Variants in SPATA17 observed in about 807,000 individuals in gnomAD.
The protein encoded by SPATA17 is spermatogenesis associated 17.
In SPATA17, 53 loss-of-function variants were observed where a neutral mutation model predicts 62.2. That is an observed-to-expected ratio of 0.85 (90% CI 0.68 to 1.07). The LOEUF (loss-of-function observed/expected upper bound fraction) is 1.07. Ranked by LOEUF, SPATA17 falls within the 50% of genes least tolerant of loss-of-function variation. SPATA17 has a pLI of 0.00. For missense variants in SPATA17, 466 were observed against 425.5 expected (o/e 1.10, Z -0.84); for synonymous variants, 146 against 146.8 (o/e 0.99, Z 0.04).
chr1:217,739,687 A>C (rs954846832), intron 5 of SPATA17: 2 of 152,120 alleles, frequency 1.3e-5, no homozygotes, highest in African/African-American at 4.8e-5. Flanking sequence ...GCACACTGAG[A>C]AATATCTTCA....
chr1:217,792,427 C>A (rs765246422), intron 8 of SPATA17, among the ~76,000 whole-genome samples: 2 of 152,174 alleles, frequency 1.3e-5, no homozygotes, highest in Non-Finnish European at 2.9e-5. Context: ...CTTCTAGTGG[C>A]ATCTCTTCCT....
intron 10 of SPATA17, among the ~76,000 whole-genome samples, chr1:217,864,882 G>C (rs1675976497): frequency 1.3e-5 from 2 of 152,030 alleles, no homozygotes. Flanking sequence ...AGACAAAGAT[G>C]AGTAACAAAT....
chr1:217,640,903 T>A (rs1487031521), intron 1 of SPATA17, among the ~76,000 whole-genome samples: 2 of 152,054 alleles, frequency 1.3e-5, no homozygotes, highest in African/African-American at 4.8e-5. Context: ...GAATTACACA[T>A]AATAAGTGGT....
chr1:217,836,192 G>C (rs186359840), intron 9 of SPATA17, among the ~76,000 whole-genome samples: 22 of 152,176 alleles, frequency 1.4e-4, no homozygotes, highest in African/African-American at 4.6e-4. Context: ...AGAATCTGTC[G>C]GGCAGTTATA....
chr1:217,736,986 G>A (rs72728813), intron 5 of SPATA17, among the ~76,000 whole-genome samples: 4,686 of 152,118 alleles, frequency 0.031, 102 homozygotes, highest in Middle Eastern at 0.058. Context: ...TTCCATTTGC[G>A]TGCTTTGGAA....
chr1:217,736,259 TATC>T (rs1672507725), intron 5 of SPATA17, among the ~76,000 whole-genome samples: 1 of 152,178 alleles, frequency 6.6e-6, no homozygotes, highest in African/African-American at 2.4e-5. Context: ...CTCTAGTTCT[TATC>T]ATCATTCATA....
intron 3 of SPATA17, among the ~76,000 whole-genome samples, chr1:217,651,427 G>C (rs998519648): frequency 6.6e-6 from 1 of 152,154 alleles, no homozygotes. Context: ...ACTTTTCACA[G>C]TATGCATTTA....
chr1:217,786,754 T>TTCC (rs943495344), intron 8 of SPATA17, among the ~76,000 whole-genome samples: 35 of 76,166 alleles, frequency 4.6e-4, no homozygotes, highest in African/African-American at 1.7e-3. Context: ...ATTCTCTTTC[T>TTCC]TCTTCTTCTT....
At chr1:217,633,417 A>G (rs1669865629) in intron 1 of SPATA17, among the ~76,000 whole-genome samples, 1 of 152,042 alleles carries the variant, frequency 6.6e-6, no homozygotes, top group East Asian at 1.9e-4. Context: ...GAGCTATAGA[A>G]CAATGTTCTA....
chr1:217,851,038 A>T (rs1351812333), intron 9 of SPATA17, among the ~76,000 whole-genome samples: 2 of 152,174 alleles, frequency 1.3e-5, no homozygotes, highest in Non-Finnish European at 2.9e-5. Flanking sequence ...TAGGATTTGC[A>T]CCTACTAAGA....
At chr1:217,852,452 C>A (rs1675688557) in intron 9 of SPATA17, among the ~76,000 whole-genome samples, 1 of 152,104 alleles carries the variant, frequency 6.6e-6, no homozygotes, top group Non-Finnish European at 1.5e-5. Flanking sequence ...TCTTTGGGGG[C>A]AGTGATGAAA....
chr1:217,809,175 A>G (rs1674520843), intron 9 of SPATA17, among the ~76,000 whole-genome samples: 1 of 152,206 alleles, frequency 6.6e-6, no homozygotes, highest in Non-Finnish European at 1.5e-5. Context: ...GCTGGAAAGT[A>G]AATTGGATAC....
At chr1:217,840,214 G>T (rs567708261) in intron 9 of SPATA17, among the ~76,000 whole-genome samples, 84 of 152,164 alleles carry the variant, frequency 5.5e-4, no homozygotes, top group African/African-American at 1.9e-3. Flanking sequence ...ATAAGCAAAA[G>T]ACTTTTAGAT....
rs533736702 is a variant in SPATA17, at chr1:217,854,655, G to A, written c.1006-8119G>A. On this transcript the variant is annotated intron_variant, in intron 9 of 10. Coordinates refer to ENST00000366933, the MANE Select transcript of SPATA17 (RefSeq NM_138796.4). The stretch of plus-strand genomic sequence containing the variant: ...TTCCCCCAAATACTTTGAAACCCAG[G>A]TAATTGAATGTACGGAGAGACCTGG... Among the ~76,000 whole-genome samples, 7 of 152,100 alleles carry A rather than the reference G, an allele frequency of 4.6e-5. No homozygotes were observed. The South Asian group carries it at 1.5e-3, about 32-fold the overall frequency.
chr1:217,763,750 C>T lies in SPATA17; in HGVS notation c.520-10584C>T, dbSNP rs111724833. 3.3e-3 allele frequency among the ~76,000 whole-genome samples: 504 copies of T among 152,164 alleles called. 2 individuals carry two copies. Among genetic ancestry groups the T allele is most frequent in the African/African-American group, 0.012 (480 of 41,516 alleles). On this transcript the variant is annotated intron_variant, in intron 6 of 10. Coordinates refer to ENST00000366933, the MANE Select transcript of SPATA17 (RefSeq NM_138796.4). ...GGTGGCCATGGATATGAATAGAAGC[C>T]TATGGATTCAAGATGTATTTTGGAG...
intron 5 of SPATA17, among the ~76,000 whole-genome samples, chr1:217,737,402 A>G (rs1247225697): frequency 6.6e-6 from 1 of 152,202 alleles, no homozygotes; most frequent in Non-Finnish European, 1.5e-5. Context: ...CATAGATGGA[A>G]ACAACTCTCA....
intron 8 of SPATA17, among the ~76,000 whole-genome samples, chr1:217,795,608 G>C (rs913061762): frequency 9.2e-5 from 14 of 152,040 alleles, no homozygotes; most frequent in African/African-American, 3.4e-4. Context: ...GACCTTAGGT[G>C]ATCCACCCAC....
At chr1:217,849,540 TA>T (rs938105286) in intron 9 of SPATA17, among the ~76,000 whole-genome samples, 80 of 151,766 alleles carry the variant, frequency 5.3e-4, no homozygotes, top group African/African-American at 1.1e-3. Context: ...AATTAAGAAA[TA>T]AAAAAAAATT....
At chr1:217,846,626 A>G (rs1393836050) in intron 9 of SPATA17, among the ~76,000 whole-genome samples, 1 of 152,072 alleles carries the variant, frequency 6.6e-6, no homozygotes, top group African/African-American at 2.4e-5. Context: ...AATGGATAGA[A>G]GAACATGTTA....
Sources: allele counts gnomAD v4.1 joint callset (sites outside exome capture counted in the v4.1 genomes callset), GRCh38; gene constraint gnomAD v4.1.1; transcripts MANE v1.5; gene names NCBI Gene and HGNC (gene_info 2026-07-23, HGNC 2026-07-21).